The following GPHN variants were observed in gnomAD, a reference collection of about 807,000 sequenced individuals.
The protein encoded by GPHN is gephyrin.
Under a neutral mutation model 95.5 loss-of-function variants are expected in GPHN, and 17 were observed. The ratio of observed to expected loss-of-function variants is 0.18; its 90% CI spans 0.12 to 0.27. The LOEUF (loss-of-function observed/expected upper bound fraction) is 0.27. Among genes scored for constraint, GPHN ranks in the 10% least tolerant of loss-of-function variants. The pLI is 1.00. For synonymous variants in GPHN, 320 were observed against 322.5 expected, an observed-to-expected ratio of 0.99 and a Z score of 0.08; for missense variants, 660 against 978.1, an observed-to-expected ratio of 0.67 and a Z score of 4.34.
intron 3 of GPHN, among the ~76,000 whole-genome samples, chr14:66,805,745 G>T (rs993695083): frequency 6.6e-6 from 1 of 152,198 alleles, no homozygotes; most frequent in Admixed American, 6.5e-5. Context: ...GATGCAAGAG[G>T]TGGGTTCCCA....
the GPHN span, among the ~76,000 whole-genome samples, chr14:67,652,980 C>A: frequency 6.6e-6 from 1 of 151,954 alleles, no homozygotes; most frequent in Admixed American, 6.6e-5. Flanking sequence ...TTAGTAGAGA[C>A]GGGTTTCACC....
At chr14:67,600,857 G>T in the GPHN span, among the ~76,000 whole-genome samples, 1 of 152,200 alleles carries the variant, frequency 6.6e-6, no homozygotes, top group Non-Finnish European at 1.5e-5. Context: ...GGGATTACAG[G>T]CGTGAGCCAC....
chr14:66,996,819 A>C (rs1273059068), intron 9 of GPHN, among the ~76,000 whole-genome samples: 1 of 152,166 alleles, frequency 6.6e-6, no homozygotes, highest in Non-Finnish European at 1.5e-5. Flanking sequence ...ATTAACAGTA[A>C]AGAGATTCAT....
intron 1 of GPHN, among the ~76,000 whole-genome samples, chr14:66,618,848 A>G (rs1171142422): frequency 6.6e-6 from 1 of 152,170 alleles, no homozygotes; most frequent in African/African-American, 2.4e-5. Flanking sequence ...TACATGGAAG[A>G]TGGTGAACCT....
chr14:66,888,627 TA>T (rs900511270), intron 5 of GPHN, among the ~76,000 whole-genome samples: 12 of 151,816 alleles, frequency 7.9e-5, no homozygotes, highest in African/African-American at 2.4e-4. Flanking sequence ...AATATTTCAC[TA>T]AAAAAAATTA....
chr14:67,465,383 G>C, the GPHN span, among the ~76,000 whole-genome samples: 2 of 129,132 alleles, frequency 1.5e-5, no homozygotes, highest in East Asian at 3.9e-4. Flanking sequence ...CACAGGGCTG[G>C]GGCAGAGGCG....
the GPHN span, chr14:67,348,714 G>T: frequency 6.7e-5 from 14 of 209,890 alleles, no homozygotes; most frequent in Non-Finnish European, 1.2e-4. Context: ...TAGAGATGGG[G>T]TTTCACCATG....
Position 66,606,004 on chromosome 14 carries a change from C to T in GPHN, c.65-75103C>T, listed in dbSNP as rs138311919. Among the ~76,000 whole-genome samples, 1,435 of 152,024 alleles carry T rather than the reference C, an allele frequency of 9.4e-3. 30 individuals carry two copies. The highest frequency in any genetic ancestry group is 0.034 in the African/African-American group (1,395 of 41,442). On this transcript the variant is annotated intron_variant, in intron 1 of 22. Coordinates refer to ENST00000478722, the MANE Select transcript of GPHN (RefSeq NM_020806.5). ...CAGAGCTATTTAGTTTAATTAGGTC[C>T]CACTTGTCAATTTTCATTTTTGTTG...
rs191933700 is a variant in GPHN, at chr14:66,620,693, C to G, written c.65-60414C>G. Among the ~76,000 whole-genome samples the G allele has an allele frequency of 2.6e-4, 39 of 152,224 alleles. No homozygotes were observed. The East Asian group carries it at 7.2e-3, about 28-fold the overall frequency. On this transcript the variant is annotated intron_variant, in intron 1 of 22. Transcript: ENST00000478722. ...CTCTGACCGCTCTCAAATCTCATAT[C>G]CTCACATTTCAAAACCAGTCATGCC... is the stretch of plus-strand genomic sequence containing the variant.
At chr14:67,609,919 G>A in the GPHN span, among the ~76,000 whole-genome samples, 5 of 152,126 alleles carry the variant, frequency 3.3e-5, no homozygotes, top group South Asian at 2.1e-4. Context: ...TCCTGGAAAC[G>A]CTGTGAGATT....
the GPHN span, among the ~76,000 whole-genome samples, chr14:67,418,745 T>C: frequency 1.3e-5 from 2 of 152,098 alleles, no homozygotes; most frequent in Non-Finnish European, 2.9e-5. Context: ...GACACACTTG[T>C]CACACTGTGA....
At chr14:67,338,959 A>G in the GPHN span, among the ~76,000 whole-genome samples, 3 of 151,632 alleles carry the variant, frequency 2.0e-5, no homozygotes, top group East Asian at 5.8e-4. Context: ...ACATAATTTT[A>G]AGCTAATAAC....
At chr14:66,566,310 C>T (rs770286888) in intron 1 of GPHN, among the ~76,000 whole-genome samples, 5 of 151,858 alleles carry the variant, frequency 3.3e-5, no homozygotes, top group Non-Finnish European at 7.4e-5. Context: ...TTTAACAGCC[C>T]TAATTGAATA....
intron 1 of GPHN, among the ~76,000 whole-genome samples, chr14:66,590,196 G>A (rs918921045): frequency 6.6e-6 from 1 of 152,136 alleles, no homozygotes; most frequent in Non-Finnish European, 1.5e-5. Flanking sequence ...GAAATTTATA[G>A]CACTAAATGC....
chr14:66,660,102 ATG>A (rs755729609), intron 1 of GPHN, among the ~76,000 whole-genome samples: 22 of 151,068 alleles, frequency 1.5e-4, no homozygotes, highest in South Asian at 6.3e-4. Context: ...ACTCTAGTGT[ATG>A]TGTGTGTGTG....
chr14:67,515,017 C>G, the GPHN span: 1 of 152,436 alleles, frequency 6.6e-6, no homozygotes, highest in Admixed American at 6.5e-5. Flanking sequence ...GCGGTCGGAG[C>G]TGCCGGCCCC....
At chr14:66,592,095 G>A (rs2061674558) in intron 1 of GPHN, among the ~76,000 whole-genome samples, 2 of 152,168 alleles carry the variant, frequency 1.3e-5, no homozygotes, top group South Asian at 4.1e-4. Flanking sequence ...AAACTGGCTA[G>A]CCATATGCAT....
chr14:67,691,192 C>A, the GPHN span: 1 of 1,613,910 alleles, frequency 6.2e-7, no homozygotes, highest in African/African-American at 1.3e-5. Flanking sequence ...TCTTCGAGTA[C>A]GGACACATCA....
the GPHN span, among the ~76,000 whole-genome samples, chr14:67,595,277 A>C: frequency 6.6e-6 from 1 of 152,230 alleles, no homozygotes; most frequent in Non-Finnish European, 1.5e-5. Flanking sequence ...TAAAGTGAAA[A>C]ACAATGTTTG....
Sources: gnomAD v4.1 joint callset for allele counts (sites outside exome capture counted in the v4.1 genomes callset) on GRCh38, gnomAD v4.1.1 for gene constraint, MANE v1.5 for transcripts, NCBI Gene and HGNC (gene_info 2026-07-23, HGNC 2026-07-21) for gene names.